Variants in C2 observed in about 807,000 individuals in gnomAD.
C2 encodes the protein complement C2.
Under a neutral mutation model 85.2 loss-of-function variants are expected in C2, and 64 were observed. That is an observed-to-expected ratio of 0.75 (90% CI 0.61 to 0.92). The LOEUF is 0.92. C2 is among the 40% of genes least tolerant of loss of function. C2 has a pLI of 0.00. For synonymous variants in C2, 311 were observed against 370.8 expected, an observed-to-expected ratio of 0.84 and a Z score of 1.85; for missense variants, 820 against 971.6, an observed-to-expected ratio of 0.84 and a Z score of 2.07.
Position 31,943,626 on chromosome 6 carries a change from C to G in C2, c.1568-18C>G. The G allele has an allele frequency of 6.2e-7, 1 of 1,612,872 alleles. No individual in the cohort carries two copies. The highest frequency in any genetic ancestry group is 8.5e-7 in the Non-Finnish European group (1 of 1,179,838). ...TGCAGGAGCCCTGGTCTAGCCTAAT[C>G]TAGTGTATCATTTCCAGGAGACCCC... On this transcript the variant is annotated intron_variant, in intron 12 of 17. Coordinates refer to ENST00000299367, the MANE Select transcript of C2 (RefSeq NM_000063.6). The surrounding 1 kb of genome is among the most constrained non-coding windows in gnomAD (Gnocchi z 6.4).
chr6:31,916,869 C>CAAA (rs9257073), upstream of C2, among the ~76,000 whole-genome samples: 116 of 78,872 alleles, frequency 1.5e-3, 1 homozygote, highest in Admixed American at 1.9e-3. Flanking sequence ...TCCATCTCAA[C>CAAA]AAAAAAAAAA....
At position 31,933,704 on chromosome 6, in the gene C2, G is replaced by A. The variant is rs776980619; in HGVS notation, c.537G>A (p.Ser179=). ...HGDKVRYRCS[S]NLVLTGSSER... ...ACAAGGTCCGCTATCGCTGCTCCTC[G>A]AATCTTGTGCTCACGGGGTCTTCGG... The change falls in exon 4 of 18, where the codon TCG becomes TCA. Residue 179 remains serine, a synonymous_variant. Coordinates refer to ENST00000299367, the MANE Select transcript of C2 (RefSeq NM_000063.6). 2 of 1,613,270 alleles carry A rather than the reference G, an allele frequency of 1.2e-6. No individual in the cohort carries two copies. The highest frequency in any genetic ancestry group is 2.2e-5 in the South Asian group (2 of 91,092).
At chr6:31,927,559 G>T, upstream of C2, 3 of 1,511,552 alleles carry the variant, frequency 2.0e-6, no homozygotes, top group Middle Eastern at 2.5e-4. This position sits in a 1 kb window ranked among gnomAD's most constrained non-coding sequence, Gnocchi z 4.7. Context: ...CAGGGCAAAG[G>T]TTTCACCCTT....
At position 31,943,935 on chromosome 6, in the gene C2, C is replaced by T. The variant is rs766696713; in HGVS notation, c.1752C>T (p.Cys584=). The T allele has an allele frequency of 2.5e-6, 4 of 1,612,848 alleles. No individual in the cohort carries two copies. In the South Asian group the frequency reaches 4.4e-5, roughly 18 times the overall value. Residue 584 remains cysteine (C), a synonymous_variant, in exon 14 of 18, where the codon TGC becomes TGT. Coordinates refer to ENST00000299367, the MANE Select transcript of C2 (RefSeq NM_000063.6). This position sits in a 1 kb window ranked among gnomAD's most constrained non-coding sequence, Gnocchi z 6.4. ...TCCCCAGGCCCATCTGCCTTCCCTG[C>T]ACGATGGAGGCCAATCTGGCTCTGC... ...STHARPICLP[C]TMEANLALRR...
chr6:31,901,611 A>G (rs749442718), intron 1 of C2, among the ~76,000 whole-genome samples: 8 of 151,672 alleles, frequency 5.3e-5, no homozygotes, highest in Non-Finnish European at 1.0e-4. Context: ...AAGGGGGGCC[A>G]GAGGCCTGGG....
chr6:31,934,688 A>G, intron 6 of C2: 2 of 1,243,774 alleles, frequency 1.6e-6, no homozygotes, highest in Non-Finnish European at 2.0e-6. Flanking sequence ...TTCCTTTTAA[A>G]ACTTCAACAT....
intron 6 of C2, chr6:31,934,797 G>T (rs1447606764): frequency 1.8e-6 from 1 of 563,552 alleles, no homozygotes; most frequent in Non-Finnish European, 2.3e-6. Flanking sequence ...ATCACTTGAG[G>T]TCAGGAGTTT....
intron 3 of C2, among the ~76,000 whole-genome samples, chr6:31,930,230 C>A (rs947700155): frequency 1.3e-5 from 2 of 151,706 alleles, no homozygotes; most frequent in Non-Finnish European, 2.9e-5. Flanking sequence ...TACAGGCATG[C>A]GCCACCATGC....
upstream of C2, chr6:31,900,703 C>T: frequency 6.2e-7 from 1 of 1,605,430 alleles, no homozygotes; most frequent in Non-Finnish European, 8.5e-7. This position sits in a 1 kb window ranked among gnomAD's most constrained non-coding sequence, Gnocchi z 9.7. Context: ...CGTCCTCATC[C>T]TCATCCTCAT....
At chr6:31,911,032 C>G (rs994900575) in intron 1 of C2, among the ~76,000 whole-genome samples, 1 of 151,886 alleles carries the variant, frequency 6.6e-6, no homozygotes, top group Non-Finnish European at 1.5e-5. Flanking sequence ...GGTGTGGTGG[C>G]TCATGCCTGT....
chr6:31,900,409 C>A (rs1274182391), upstream of C2: 1 of 1,547,648 alleles, frequency 6.5e-7, no homozygotes, highest in Admixed American at 2.0e-5. The surrounding 1 kb of genome is among the most constrained non-coding windows in gnomAD (Gnocchi z 9.7). Context: ...CCATGGCCAC[C>A]GCTGCTGCTT....
intron 1 of C2, among the ~76,000 whole-genome samples, chr6:31,909,161 C>T (rs2151707650): frequency 6.6e-6 from 1 of 152,046 alleles, no homozygotes; most frequent in South Asian, 2.1e-4. Context: ...ACTTGTGTAG[C>T]TGTAATTCAT....
intron 2 of C2, 98 bp downstream of exon 2, chr6:31,928,262 A>C: frequency 8.8e-7 from 1 of 1,132,332 alleles, no homozygotes; most frequent in Non-Finnish European, 1.3e-6. Flanking sequence ...ACCTGACTAG[A>C]TGGCAAAGTT....
At chr6:31,926,849 A>G (rs3020644), upstream of C2, among the ~76,000 whole-genome samples, 52,278 of 151,952 alleles carry the variant, frequency 0.34, 10,635 homozygotes, top group East Asian at 0.57. Context: ...TTTACCCTAC[A>G]TTGTTCAAAA....
In C2 at chr6:31,934,077, A is replaced by G. The variant is rs1770188921; in HGVS notation, c.716-89A>G. The stretch of plus-strand genomic sequence containing the variant: ...GAGCCTTGGTGGGCTCAGCCACTGA[A>G]AGGGAGGGAGGCAGAGAAGCTGGAC... On this transcript the variant is annotated intron_variant, in intron 5 of 17. Transcript: ENST00000299367. 6.4e-6 allele frequency: 10 copies of G among 1,571,014 alleles called. No individual in the cohort carries two copies. The East Asian group carries it at 1.1e-4, about 18-fold the overall frequency.
At chr6:31,906,404 T>C (rs1767717601) in intron 1 of C2, among the ~76,000 whole-genome samples, 1 of 151,694 alleles carries the variant, frequency 6.6e-6, no homozygotes, top group South Asian at 2.1e-4. Flanking sequence ...TCAACCTGCC[T>C]CCAGACAAAC....
At chr6:31,928,291 T>C (rs1769430996) in intron 2 of C2, 127 bp downstream of exon 2, 1 of 811,930 alleles carries the variant, frequency 1.2e-6, no homozygotes, top group Admixed American at 2.0e-5. Context: ...AGAGGGCTTT[T>C]CAAAATATCC....
upstream of C2, among the ~76,000 whole-genome samples, chr6:31,915,971 G>A (rs138291285): frequency 1.3e-5 from 2 of 152,204 alleles, no homozygotes; most frequent in East Asian, 1.9e-4. Flanking sequence ...GTGTCACAGC[G>A]TTCCTACCCT....
rs2151760533 is a variant in C2 at position 31,937,366 on chromosome 6, G to A, written c.1036G>A (p.Val346Ile). ...GTNTYAALNS[V>I]YLMMNNQMRL... Reference sequence around the variant, plus strand: ...TAACACCTATGCGGCCTTAAACAGTGTCTATCTCATGATGAACAACCAAAT... The same window carrying A: ...TAACACCTATGCGGCCTTAAACAGTATCTATCTCATGATGAACAACCAAAT... The change falls in exon 8 of 18, where the codon GTC becomes ATC. Residue 346 changes from valine to isoleucine, a missense_variant. Coordinates refer to ENST00000299367, the MANE Select transcript of C2 (RefSeq NM_000063.6). The A allele has an allele frequency of 6.2e-7, 1 of 1,612,780 alleles. No individual in the cohort carries two copies. The highest frequency in any genetic ancestry group is 2.2e-5 in the East Asian group (1 of 44,830).
Sources: allele counts gnomAD v4.1 joint callset (sites outside exome capture counted in the v4.1 genomes callset), GRCh38; gene constraint gnomAD v4.1.1; non-coding constraint Gnocchi (gnomAD v3.1); transcripts MANE v1.5; gene names NCBI Gene and HGNC (gene_info 2026-07-23, HGNC 2026-07-21).